Variants in THSD7B observed in about 807,000 individuals in gnomAD.
THSD7B encodes the protein thrombospondin type 1 domain containing 7B, also known as thrombospondin type-1 domain-containing protein 7B.
In THSD7B, 138 loss-of-function variants were observed where a neutral mutation model predicts 213.6. The observed-to-expected ratio is 0.65, with a 90% CI of 0.56 to 0.74. The LOEUF is 0.74. Among genes scored for constraint, THSD7B ranks in the 30% least tolerant of loss-of-function variants. The pLI, the probability that THSD7B is intolerant of heterozygous loss-of-function variation, is 0.00. For missense variants in THSD7B, 1,931 were observed against 1,991.5 expected (o/e 0.97, Z 0.58); for synonymous variants, 742 against 687.0 (o/e 1.08, Z -1.25).
chr2:136,840,771 T>C (rs541452172), intron 1 of THSD7B, among the ~76,000 whole-genome samples: 1 of 152,100 alleles, frequency 6.6e-6, no homozygotes, highest in South Asian at 2.1e-4. Context: ...GGAGAAGTGA[T>C]TGGAAGGGAA....
chr2:136,910,523 C>T lies in THSD7B; in HGVS notation c.139+28206C>T, dbSNP rs1202106527. ...TGCACATGGGTTTTGGGATTATTGA[C>T]TTTGTACAGATATAACTTAAGTAGC... On this transcript the variant is annotated intron_variant, in intron 2 of 27. Coordinates refer to ENST00000409968, the MANE Select transcript of THSD7B (RefSeq NM_001316349.2). Among the ~76,000 whole-genome samples the T allele has an allele frequency of 2.0e-5, 3 of 152,110 alleles. No homozygotes were observed. The East Asian group carries it at 5.8e-4, about 29-fold the overall frequency.
At chr2:137,395,601 C>G (rs1686159924) in intron 12 of THSD7B, among the ~76,000 whole-genome samples, 1 of 152,154 alleles carries the variant, frequency 6.6e-6, no homozygotes, top group Non-Finnish European at 1.5e-5. Flanking sequence ...CAATGTTCTT[C>G]AAGGATATTG....
At position 137,210,013 on chromosome 2, in the gene THSD7B, A is replaced by T. The variant is rs141909059; in HGVS notation, c.1724-21031A>T. ...GTATACAGAAGAAAGACCAGTGAGG[A>T]TATAGCAAAAAAGCTGCCATCTGCA... On this transcript the variant is annotated intron_variant, in intron 7 of 27. Transcript: ENST00000409968. 7.7e-3 allele frequency among the ~76,000 whole-genome samples: 1,173 copies of T among 152,180 alleles called. 6 individuals carry two copies. The highest frequency in any genetic ancestry group is 0.041 in the Middle Eastern group (12 of 294).
chr2:137,676,913 A>C lies in THSD7B; in HGVS notation c.*308A>C, dbSNP rs376198688. ...ACATGATGGAATTCCCACAGACTTG[A>C]GTAAACTTGATCTTCAGCAGCATAA... is the stretch of plus-strand genomic sequence containing the variant. On this transcript the variant is annotated 3_prime_UTR_variant, in exon 28 of 28. Coordinates refer to ENST00000409968, the MANE Select transcript of THSD7B (RefSeq NM_001316349.2). The C allele has an allele frequency of 4.1e-6, 1 of 242,046 alleles. No homozygotes were observed. Among genetic ancestry groups the C allele is most frequent in the Non-Finnish European group, 7.9e-6 (1 of 127,356 alleles). The allele number at this position is 242,046 out of a possible 1,614,324, so 15.0% of individuals were successfully genotyped here.
chr2:136,931,945 A>G (rs572391141), intron 2 of THSD7B, among the ~76,000 whole-genome samples: 1 of 152,318 alleles, frequency 6.6e-6, no homozygotes, highest in African/African-American at 2.4e-5. Context: ...AATAGTTCTG[A>G]TATTATTTCA....
intron 1 of THSD7B, among the ~76,000 whole-genome samples, chr2:136,811,210 T>C (rs1490819698): frequency 2.0e-5 from 3 of 152,310 alleles, no homozygotes; most frequent in African/African-American, 7.2e-5. Context: ...GATTTCCCCC[T>C]TCTGGACTAG....
chr2:137,363,486 G>A (rs985479494), intron 12 of THSD7B, among the ~76,000 whole-genome samples: 2 of 152,016 alleles, frequency 1.3e-5, no homozygotes, highest in African/African-American at 2.4e-5. Context: ...TTGATAGACT[G>A]CTAGCAAGAC....
In THSD7B at chr2:137,229,064, C is replaced by G. The variant is rs565107184; in HGVS notation, c.1724-1980C>G. On this transcript the variant is annotated intron_variant, in intron 7 of 27. Coordinates refer to ENST00000409968, the MANE Select transcript of THSD7B (RefSeq NM_001316349.2). ...TACATCTCATTTACCTTCTAGGAAA[C>G]TTACAATGTATATTGGCATTTTCAA... 6.2e-4 allele frequency among the ~76,000 whole-genome samples: 95 copies of G among 152,274 alleles called. 2 individuals carry two copies. The highest frequency in any genetic ancestry group is 1.8e-3 in the African/African-American group (73 of 41,564).
At chr2:137,351,599 G>A (rs1685015618) in intron 12 of THSD7B, among the ~76,000 whole-genome samples, 1 of 151,922 alleles carries the variant, frequency 6.6e-6, no homozygotes, top group Non-Finnish European at 1.5e-5. Context: ...AGTTTAGGAA[G>A]TAGATAAAAT....
intron 3 of THSD7B, among the ~76,000 whole-genome samples, chr2:137,084,288 G>T (rs914538497): frequency 1.3e-5 from 2 of 152,046 alleles, no homozygotes; most frequent in East Asian, 1.9e-4. Flanking sequence ...AAACTCTCAA[G>T]AAAAAATATA....
At chr2:136,863,002 C>A (rs561812041) in intron 1 of THSD7B, among the ~76,000 whole-genome samples, 8 of 152,352 alleles carry the variant, frequency 5.3e-5, no homozygotes, top group African/African-American at 1.9e-4. Context: ...TCTCTCCAAT[C>A]TCAGCACTTT....
rs536865875 is a variant in THSD7B, at chr2:137,160,902, G to A, written c.1525+534G>A. On this transcript the variant is annotated intron_variant, in intron 6 of 27. Transcript: ENST00000409968. ...CTCCTAAAGTGCTGGGATTACAGGC[G>A]TGAGCCACTGTGCCTGGCCACTTCA... Among the ~76,000 whole-genome samples, 110 of 152,270 alleles carry A rather than the reference G, an allele frequency of 7.2e-4. No homozygotes were observed. In the Middle Eastern group the frequency reaches 0.014, roughly 19 times the overall value.
intron 14 of THSD7B, among the ~76,000 whole-genome samples, chr2:137,433,190 T>A (rs949277845): frequency 1.3e-5 from 2 of 151,992 alleles, no homozygotes; most frequent in African/African-American, 4.8e-5. Context: ...TGGGGGACAT[T>A]ATTTAAGTTG....
At chr2:137,330,711 A>G (rs1001218720) in intron 12 of THSD7B, among the ~76,000 whole-genome samples, 1 of 152,048 alleles carries the variant, frequency 6.6e-6, no homozygotes, top group African/African-American at 2.4e-5. Context: ...GGCTCATAAA[A>G]GCAGTGTGGA....
chr2:137,613,775 T>A (rs952985122), intron 17 of THSD7B, among the ~76,000 whole-genome samples: 1 of 152,178 alleles, frequency 6.6e-6, no homozygotes, highest in Non-Finnish European at 1.5e-5. Flanking sequence ...ATCATCCAGA[T>A]AGATGTAAAC....
At chr2:137,090,673 A>G (rs1313227593) in intron 3 of THSD7B, among the ~76,000 whole-genome samples, 2 of 152,220 alleles carry the variant, frequency 1.3e-5, no homozygotes, top group African/African-American at 4.8e-5. Flanking sequence ...AAAAAGGCAA[A>G]TCAACAGAAT....
chr2:136,880,260 A>G (rs1349725372), intron 1 of THSD7B, among the ~76,000 whole-genome samples: 1 of 152,170 alleles, frequency 6.6e-6, no homozygotes, highest in Non-Finnish European at 1.5e-5. Context: ...AATTATAACA[A>G]GCTATTTCTT....
chr2:137,091,520 T>TATTTTATTCATTC (rs1553470201), intron 3 of THSD7B, among the ~76,000 whole-genome samples: 1 of 151,728 alleles, frequency 6.6e-6, no homozygotes, highest in Non-Finnish European at 1.5e-5. Flanking sequence ...TATTTTATTT[T>TATTTTATTCATTC]ATTCATTCAT....
intron 12 of THSD7B, among the ~76,000 whole-genome samples, chr2:137,332,321 C>T (rs1415657160): frequency 6.6e-6 from 1 of 152,148 alleles, no homozygotes; most frequent in African/African-American, 2.4e-5. Context: ...AATGACTGTC[C>T]TCTTGGATTT....
Sources: allele counts gnomAD v4.1 joint callset (sites outside exome capture counted in the v4.1 genomes callset), GRCh38; gene constraint gnomAD v4.1.1; transcripts MANE v1.5; gene names NCBI Gene and HGNC (gene_info 2026-07-23, HGNC 2026-07-21).